CLSTN2: variants seen among roughly 807,000 people sequenced by gnomAD.
CLSTN2 encodes calsyntenin-2.
A neutral mutation model predicts 101.2 loss-of-function variants in CLSTN2; 48 were observed. The observed-to-expected ratio is 0.47, with a 90% confidence interval of 0.38 to 0.60. The LOEUF is 0.60. CLSTN2 is among the 20% of genes least tolerant of loss of function. The pLI is 0.00. For synonymous variants in CLSTN2, 481 were observed against 463.6 expected, an observed-to-expected ratio of 1.04 and a Z score of -0.48; for missense variants, 1,160 against 1,238.2, an observed-to-expected ratio of 0.94 and a Z score of 0.95.
At chr3:140,502,398 G>GCAAT (rs1934596825) in intron 8 of CLSTN2, among the ~76,000 whole-genome samples, 1 of 152,288 alleles carries the variant, frequency 6.6e-6, no homozygotes, top group South Asian at 2.1e-4. Context: ...CACTGTGAAG[G>GCAAT]CAATCAGGAA....
intron 2 of CLSTN2, among the ~76,000 whole-genome samples, chr3:140,277,221 C>T (rs924702148): frequency 1.3e-5 from 2 of 152,170 alleles, no homozygotes; most frequent in African/African-American, 4.8e-5. Context: ...TTTGTATATG[C>T]TAACCATTTC....
chr3:140,418,508 TCTTTC>T (rs2088455820), intron 4 of CLSTN2, among the ~76,000 whole-genome samples: 1 of 69,834 alleles, frequency 1.4e-5, no homozygotes, highest in Non-Finnish European at 2.4e-5. Context: ...TTTCTTTCTT[TCTTTC>T]TTTCTTTTTT....
chr3:140,212,791 C>T (rs1348540239), intron 2 of CLSTN2, among the ~76,000 whole-genome samples: 1 of 152,162 alleles, frequency 6.6e-6, no homozygotes, highest in Non-Finnish European at 1.5e-5. Flanking sequence ...AAATTCTAAT[C>T]CCCCACCATA....
In CLSTN2 at chr3:139,950,552, A is replaced by G. The variant is rs555519651; in HGVS notation, c.109+15069A>G. On this transcript the variant is annotated intron_variant, in intron 1 of 16. Transcript: ENST00000458420. ...TTGAACTTGGACCAAACAGGATTTT[A>G]CTAAAGTTTCAGGATGGATAACGGA... Among the ~76,000 whole-genome samples, 13 of 152,352 alleles carry G rather than the reference A, an allele frequency of 8.5e-5. No homozygotes were observed. In the South Asian group the frequency reaches 2.7e-3, roughly 32 times the overall value.
At chr3:140,354,737 A>G (rs2087649839) in intron 2 of CLSTN2, among the ~76,000 whole-genome samples, 1 of 152,206 alleles carries the variant, frequency 6.6e-6, no homozygotes, top group Non-Finnish European at 1.5e-5. Context: ...CAAGCATGAA[A>G]AAAGTAACTC....
Position 139,973,110 on chromosome 3 carries a change from C to T in CLSTN2, c.109+37627C>T, listed in dbSNP as rs570514904. On this transcript the variant is annotated intron_variant, in intron 1 of 16. Coordinates refer to ENST00000458420, the MANE Select transcript of CLSTN2 (RefSeq NM_022131.3). ...CTGTGAGCAGGGCTCTGAGGGCTTT[C>T]GTGGCAGATGTCTGAGGTGAGGCCT... Among the ~76,000 whole-genome samples the T allele has an allele frequency of 7.2e-5, 11 of 152,196 alleles. No individual in the cohort carries two copies. In the South Asian group the frequency reaches 1.2e-3, roughly 17 times the overall value.
chr3:140,472,011 A>T (rs974944048), intron 8 of CLSTN2, among the ~76,000 whole-genome samples: 1 of 152,172 alleles, frequency 6.6e-6, no homozygotes, highest in Non-Finnish European at 1.5e-5. Flanking sequence ...AGAAGTTTGG[A>T]TCCTCTTAAG....
chr3:140,178,687 A>G (rs1267220523), intron 2 of CLSTN2, among the ~76,000 whole-genome samples: 2 of 152,210 alleles, frequency 1.3e-5, no homozygotes, highest in African/African-American at 2.4e-5. Flanking sequence ...CCATCCATCC[A>G]TGCTGCAGGC....
At chr3:140,495,364 C>A (rs543248460) in intron 8 of CLSTN2, among the ~76,000 whole-genome samples, 11 of 152,150 alleles carry the variant, frequency 7.2e-5, no homozygotes, top group African/African-American at 2.2e-4. Context: ...GGGTATTAGA[C>A]CCTTGTCAGA....
intron 4 of CLSTN2, among the ~76,000 whole-genome samples, chr3:140,419,027 CTTT>C (rs1553741911): frequency 4.0e-5 from 6 of 148,372 alleles, no homozygotes; most frequent in African/African-American, 1.3e-4. Context: ...ATTGGTGGAC[CTTT>C]TTTTAAAAAA....
At chr3:140,462,317 A>G (rs960592234) in intron 7 of CLSTN2, among the ~76,000 whole-genome samples, 3 of 152,202 alleles carry the variant, frequency 2.0e-5, no homozygotes, top group Non-Finnish European at 2.9e-5. Context: ...TAGATTTATC[A>G]TACTTCATGT....
At chr3:140,226,416 T>C (rs570150586) in intron 2 of CLSTN2, among the ~76,000 whole-genome samples, 1 of 152,336 alleles carries the variant, frequency 6.6e-6, no homozygotes, top group East Asian at 1.9e-4. Flanking sequence ...TTTATACAAC[T>C]GTGTTTAAAT....
intron 1 of CLSTN2, among the ~76,000 whole-genome samples, chr3:140,103,803 T>C (rs1052480477): frequency 3.9e-5 from 6 of 152,312 alleles, no homozygotes; most frequent in African/African-American, 1.4e-4. Context: ...CTTGTCCCAG[T>C]TGGGCTCTCA....
intron 2 of CLSTN2, among the ~76,000 whole-genome samples, chr3:140,204,573 A>C (rs965896099): frequency 1.3e-5 from 2 of 151,990 alleles, no homozygotes; most frequent in Non-Finnish European, 2.9e-5. Flanking sequence ...AAATCCTTGG[A>C]TTAGTTGATT....
intron 1 of CLSTN2, among the ~76,000 whole-genome samples, chr3:140,138,974 C>T (rs1302740218): frequency 3.3e-5 from 5 of 152,174 alleles, no homozygotes; most frequent in African/African-American, 4.8e-5. Flanking sequence ...ACTCCAGCTT[C>T]GTAATTTACT....
Position 140,419,620 on chromosome 3 carries a change from CGTATATAT to C in CLSTN2, c.638-1496_638-1489del, listed in dbSNP as rs200237235. Among the ~76,000 whole-genome samples, 154 of 47,346 alleles carry C rather than the reference CGTATATAT, an allele frequency of 3.3e-3. 47 individuals carry two copies. Among genetic ancestry groups the C allele is most frequent in the Non-Finnish European group, 4.0e-3 (127 of 31,404 alleles). 31.1% of individuals were successfully genotyped at this position (47,346 alleles called of 152,430 possible). On this transcript the variant is annotated intron_variant, in intron 4 of 16. Transcript: ENST00000458420. ...ATGTATATATACATATATACGTGTA[CGTATATAT>C]GTATATATACATATATATGTACACG...
intron 1 of CLSTN2, among the ~76,000 whole-genome samples, chr3:140,133,928 T>C (rs1372528523): frequency 6.6e-6 from 1 of 152,174 alleles, no homozygotes; most frequent in Admixed American, 6.5e-5. Context: ...CTATTCTCTA[T>C]GGAAATAAGA....
At chr3:139,957,662 G>A (rs899187122) in intron 1 of CLSTN2, among the ~76,000 whole-genome samples, 42 of 152,170 alleles carry the variant, frequency 2.8e-4, no homozygotes, top group African/African-American at 8.7e-4. Flanking sequence ...TGGTCTTAGA[G>A]CATGGGGGAC....
chr3:140,078,512 A>G (rs1342493321), intron 1 of CLSTN2, among the ~76,000 whole-genome samples: 2 of 152,190 alleles, frequency 1.3e-5, no homozygotes, highest in African/African-American at 2.4e-5. Context: ...AGCTCCATGT[A>G]ATGAGTGTAT....
Sources: gnomAD v4.1 joint callset for allele counts (sites outside exome capture counted in the v4.1 genomes callset) on GRCh38, gnomAD v4.1.1 for gene constraint, MANE v1.5 for transcripts, NCBI Gene and HGNC (gene_info 2026-07-23, HGNC 2026-07-21) for gene names.